OSBPL1A: variants seen among roughly 807,000 people sequenced by gnomAD.
OSBPL1A encodes the protein oxysterol binding protein like 1A, also known as oxysterol-binding protein-related protein 1.
In OSBPL1A, 80 loss-of-function variants were observed where a neutral mutation model predicts 137.1. The ratio of observed to expected loss-of-function variants is 0.58; its 90% CI spans 0.49 to 0.70. The LOEUF (loss-of-function observed/expected upper bound fraction) is 0.70. Ranked by LOEUF, OSBPL1A falls within the 30% of genes least tolerant of loss-of-function variation. The pLI is 0.00. For missense variants in OSBPL1A, 970 were observed against 1,129.4 expected (o/e 0.86, Z 2.02); for synonymous variants, 365 against 389.7 (o/e 0.94, Z 0.75).
chr18:24,332,992 G>T lies in OSBPL1A; in HGVS notation c.575C>A (p.Ala192Asp), dbSNP rs1240215845. The T allele has an allele frequency of 3.7e-6, 6 of 1,614,106 alleles. No individual in the cohort carries two copies. Among genetic ancestry groups the T allele is most frequent in the African/African-American group, 1.3e-5 (1 of 75,010 alleles). Residue 192 changes from alanine to aspartate, a missense_variant, in exon 7 of 28, where the codon GCC (alanine) becomes GAC (aspartate). Around this residue, in one of 2 missense-constraint regions of OSBPL1A, gnomAD observed 647 missense variants for 672.6 expected, o/e 0.96. Transcript: ENST00000319481. ...TGCTCCACTTCTTAGAAGCTTTAAG[G>T]CACATTGTTTATGGGCCCGGTAAGC... The part of the protein sequence containing the change: ...CAAYRAHKQC[A>D]LKLLRSGADP...
Position 24,167,411 on chromosome 18 carries a change from A to G in OSBPL1A, c.2453T>C (p.Val818Ala). The G allele has an allele frequency of 6.2e-7, 1 of 1,614,244 alleles. No individual in the cohort carries two copies. The highest frequency in any genetic ancestry group is 8.5e-7 in the Non-Finnish European group (1 of 1,180,048). Residue 818 changes from valine to alanine, a missense_variant, in exon 25 of 28, where the codon GTG becomes GCG. By Grantham distance (64) the Val-to-Ala change is moderately conservative. Around this residue, in one of 2 missense-constraint regions of OSBPL1A, gnomAD observed 323 missense variants for 456.8 expected, o/e 0.71. Coordinates refer to ENST00000319481, the MANE Select transcript of OSBPL1A (RefSeq NM_080597.4). ...STSEELDEMP[V>A]PDSESVFIIP... ...AATGAATACACTTTCAGAATCCGGCACTGGCATTTCATCCAACTCCTCAGA... is the reference window on the plus strand; with the variant it reads ...AATGAATACACTTTCAGAATCCGGCGCTGGCATTTCATCCAACTCCTCAGA...
intron 14 of OSBPL1A, among the ~76,000 whole-genome samples, chr18:24,297,042 T>C (rs1365154773): frequency 1.3e-5 from 2 of 152,178 alleles, no homozygotes; most frequent in African/African-American, 4.8e-5. Flanking sequence ...ATTCCTTCTT[T>C]CTCTTTCTTT....
chr18:24,360,240 G>C (rs2091601767), intron 4 of OSBPL1A, among the ~76,000 whole-genome samples: 1 of 152,156 alleles, frequency 6.6e-6, no homozygotes, highest in African/African-American at 2.4e-5. Context: ...CATAGTGCTG[G>C]GATTACAGGC....
intron 15 of OSBPL1A, among the ~76,000 whole-genome samples, chr18:24,265,211 G>A (rs2089541872): frequency 6.6e-6 from 1 of 152,206 alleles, no homozygotes; most frequent in South Asian, 2.1e-4. Context: ...CAGGCACAGT[G>A]GCTCACACCT....
intron 26 of OSBPL1A, 40 bp from the exon 27 acceptor site, chr18:24,165,195 A>T (rs530181146): frequency 7.7e-6 from 12 of 1,559,148 alleles, no homozygotes; most frequent in Non-Finnish European, 1.1e-5. Context: ...AACACTCTAC[A>T]CAGAGGATGC....
chr18:24,269,141 T>C (rs1197255957), intron 15 of OSBPL1A, among the ~76,000 whole-genome samples: 1 of 152,224 alleles, frequency 6.6e-6, no homozygotes, highest in Non-Finnish European at 1.5e-5. Context: ...TGATTATCTC[T>C]CTTGAGTTCC....
chr18:24,237,580 C>G (rs2088529253), intron 16 of OSBPL1A, among the ~76,000 whole-genome samples: 1 of 152,200 alleles, frequency 6.6e-6, no homozygotes, highest in Admixed American at 6.5e-5. Context: ...GCTAGGATTA[C>G]AAGTGCTCAG....
At chr18:24,233,039 C>T (rs2088331138) in intron 16 of OSBPL1A, among the ~76,000 whole-genome samples, 1 of 152,162 alleles carries the variant, frequency 6.6e-6, no homozygotes, top group African/African-American at 2.4e-5. Context: ...CAACTGATCT[C>T]AACATGTTTC....
intron 21 of OSBPL1A, among the ~76,000 whole-genome samples, chr18:24,176,914 T>C (rs551348435): frequency 6.6e-6 from 1 of 152,292 alleles, no homozygotes; most frequent in East Asian, 1.9e-4. Flanking sequence ...CTCTTTGTGG[T>C]TTCCCCAACA....
At chr18:24,204,794 C>T (rs1054382593) in intron 17 of OSBPL1A, among the ~76,000 whole-genome samples, 2 of 152,050 alleles carry the variant, frequency 1.3e-5, no homozygotes, top group Non-Finnish European at 2.9e-5. Context: ...GCTCTCTCTC[C>T]AACACTTCTC....
At chr18:24,383,717 G>A (rs111979726) in intron 1 of OSBPL1A, among the ~76,000 whole-genome samples, 8,053 of 152,258 alleles carry the variant, frequency 0.053, 641 homozygotes, top group African/African-American at 0.18. Flanking sequence ...TCGTGCCACT[G>A]CACTCCAGCC....
intron 4 of OSBPL1A, among the ~76,000 whole-genome samples, chr18:24,356,498 G>A (rs1393667403): frequency 1.3e-5 from 2 of 152,190 alleles, no homozygotes; most frequent in African/African-American, 2.4e-5. Context: ...GCATGGGAGT[G>A]AGATGATAAA....
chr18:24,338,370 G>T (rs563148379), intron 5 of OSBPL1A, among the ~76,000 whole-genome samples: 1 of 151,884 alleles, frequency 6.6e-6, no homozygotes, highest in East Asian at 1.9e-4. Flanking sequence ...ATGAGCCACC[G>T]TGCCCGGCCG....
At chr18:24,213,063 G>A (rs1475194025) in intron 17 of OSBPL1A, among the ~76,000 whole-genome samples, 1 of 152,156 alleles carries the variant, frequency 6.6e-6, no homozygotes, top group Non-Finnish European at 1.5e-5. Context: ...GTATAAATGA[G>A]CACCATATCT....
intron 18 of OSBPL1A, among the ~76,000 whole-genome samples, chr18:24,190,550 G>A (rs1301685066): frequency 6.6e-6 from 1 of 152,144 alleles, no homozygotes; most frequent in Non-Finnish European, 1.5e-5. Context: ...TCAGTTAAGA[G>A]AAAGACACGA....
intron 20 of OSBPL1A, among the ~76,000 whole-genome samples, chr18:24,178,399 C>G (rs1281103266): frequency 6.6e-6 from 1 of 152,102 alleles, no homozygotes; most frequent in Non-Finnish European, 1.5e-5. Context: ...TCAAGCACTT[C>G]TCCTCCCTCA....
intron 15 of OSBPL1A, among the ~76,000 whole-genome samples, chr18:24,249,831 G>A (rs1292523699): frequency 6.6e-6 from 1 of 152,148 alleles, no homozygotes; most frequent in Non-Finnish European, 1.5e-5. Context: ...GGTGGTCTAG[G>A]ACACACGGAC....
At chr18:24,246,852 G>A (rs1382177576) in intron 15 of OSBPL1A, among the ~76,000 whole-genome samples, 2 of 151,284 alleles carry the variant, frequency 1.3e-5, no homozygotes, top group Non-Finnish European at 2.9e-5. Flanking sequence ...ACAAGAGATG[G>A]GTAAGAGATA....
At chr18:24,343,817 C>G (rs922918113) in intron 4 of OSBPL1A, among the ~76,000 whole-genome samples, 9 of 152,144 alleles carry the variant, frequency 5.9e-5, no homozygotes, top group Admixed American at 5.2e-4. Flanking sequence ...CAAAAACTAA[C>G]TCGATATAGG....
Sources: gnomAD v4.1 joint callset for allele counts (sites outside exome capture counted in the v4.1 genomes callset) on GRCh38, gnomAD v4.1.1 for gene constraint, gnomAD v4.1.1 regional missense constraint, MANE v1.5 for transcripts, NCBI Gene and HGNC (gene_info 2026-07-23, HGNC 2026-07-21) for gene names.